SDF2L1: variants seen among roughly 807,000 people sequenced by gnomAD.
SDF2L1 encodes stromal cell-derived factor 2-like protein 1.
SDF2L1 carries 18 observed loss-of-function variants against 19.4 expected under a neutral mutation model. The ratio of observed to expected loss-of-function variants is 0.93; its 90% CI spans 0.64 to 1.38. The LOEUF is 1.38. SDF2L1 is among the 40% of genes most tolerant of loss of function. The pLI, the probability that SDF2L1 is intolerant of heterozygous loss-of-function variation, is 0.00. For synonymous variants in SDF2L1, 161 were observed against 148.9 expected, an observed-to-expected ratio of 1.08 and a Z score of -0.59; for missense variants, 263 against 319.4, an observed-to-expected ratio of 0.82 and a Z score of 1.35.
Position 21,643,006 on chromosome 22 carries a change from C to A in SDF2L1, c.332C>A (p.Thr111Lys), listed in dbSNP as rs776797722. ...GCGGTGAGGCTCACGCATGTGCTTACGGGCAAGAACCTGCACACGCACCAC... is the reference window on the plus strand; with the variant it reads ...GCGGTGAGGCTCACGCATGTGCTTAAGGGCAAGAACCTGCACACGCACCAC... Reference protein sequence around the residue: ...GQAVRLTHVLTGKNLHTHHFP... With the variant: ...GQAVRLTHVLKGKNLHTHHFP... The change falls in exon 2 of 3, where the codon ACG becomes AAG. Residue 111 changes from threonine (T) to lysine (K), a missense_variant. Thr to Lys is a moderately conservative substitution (Grantham distance 78). This residue lies in a region of SDF2L1 where 203 missense variants were observed against 256.9 expected (regional missense o/e 0.79). Transcript: ENST00000248958. The A allele has an allele frequency of 6.4e-7, 1 of 1,563,736 alleles. No homozygotes were observed. The highest frequency in any genetic ancestry group is 1.9e-5 in the Admixed American group (1 of 52,364).
chr22:21,642,755 T>TG (rs1005972003), intron 1 of SDF2L1, 107 bp from the exon 2 acceptor site: 17 of 1,288,060 alleles, frequency 1.3e-5, no homozygotes, highest in Non-Finnish European at 1.7e-5. Context: ...AGGCGGGGGC[T>TG]GGGGGTGAGC....
Position 21,644,225 on chromosome 22 carries a change from G to A in SDF2L1, c.*50G>A. On this transcript the variant is annotated 3_prime_UTR_variant, in exon 3 of 3. Transcript: ENST00000248958. Reference sequence around the variant, plus strand: ...AGGGTGGCAGGTGGGGCGTCTGCAGGGCCACTCTTGGCAGAGACTTTGGGT... The same window carrying A: ...AGGGTGGCAGGTGGGGCGTCTGCAGAGCCACTCTTGGCAGAGACTTTGGGT... The A allele has an allele frequency of 1.3e-6, 2 of 1,593,830 alleles. No homozygotes were observed. The highest frequency in any genetic ancestry group is 1.7e-6 in the Non-Finnish European group (2 of 1,165,774).
chr22:21,642,721 G>A, intron 1 of SDF2L1, 141 bp from the exon 2 acceptor site: 2 of 1,195,274 alleles, frequency 1.7e-6, no homozygotes, highest in Non-Finnish European at 2.3e-6. Flanking sequence ...GGGGAACTGC[G>A]GGCCCAAAGA....
Position 21,642,411 on chromosome 22 carries a change from C to T in SDF2L1, c.75C>T (p.Gly25=). ...TGCTGCTGGCGCTGTTAGTGCCGGG[C>T]GGTGGTGCCGCCAAGACCGGTGCGG... is the stretch of plus-strand genomic sequence containing the variant. ...LGLLLALLVP[G]GGAAKTGAEL... Residue 25 remains glycine (G), a synonymous_variant, in exon 1 of 3, where the codon GGC becomes GGT. Transcript: ENST00000248958. The T allele has an allele frequency of 4.1e-6, 6 of 1,455,484 alleles. No homozygotes were observed. The highest frequency in any genetic ancestry group is 1.5e-5 in the African/African-American group (1 of 66,136). The allele number at this position is 1,455,484 out of a possible 1,614,324, so 90.2% of individuals were successfully genotyped here. A position where few individuals can be genotyped will look rare whatever the true frequency, so the allele number is the denominator to read the frequency against.
chr22:21,643,081 A>G (rs976608613), intron 2 of SDF2L1, 23 bp downstream of exon 2: 4 of 1,549,868 alleles, frequency 2.6e-6, no homozygotes, highest in Admixed American at 2.0e-5. Flanking sequence ...CGGAGCCCCC[A>G]GAGAGACTCC....
intron 2 of SDF2L1, chr22:21,643,261 C>T: frequency 1.6e-6 from 1 of 638,980 alleles, no homozygotes; most frequent in Non-Finnish European, 2.7e-6. Flanking sequence ...GCAGGGAGAA[C>T]GACGGGAGAG....
At chr22:21,643,756 G>A in intron 2 of SDF2L1, 138 bp from the exon 3 acceptor site, 2 of 784,320 alleles carry the variant, frequency 2.5e-6, no homozygotes, top group Non-Finnish European at 4.0e-6. Flanking sequence ...GGTTGCGGGG[G>A]CGGGTCATGG....
At chr22:21,642,575 G>A (rs780733304) in intron 1 of SDF2L1, 52 bp downstream of exon 1, 2 of 1,500,404 alleles carry the variant, frequency 1.3e-6, no homozygotes, top group Non-Finnish European at 1.8e-6. Flanking sequence ...CTCGGGGTTG[G>A]GAGTGTGGAG....
intron 1 of SDF2L1, 28 bp from the exon 2 acceptor site, chr22:21,642,834 C>T (rs769263118): frequency 3.2e-6 from 5 of 1,575,350 alleles, no homozygotes; most frequent in Non-Finnish European, 4.3e-6. Context: ...TGACGGAGAC[C>T]CTGGGTGTGT....
At position 21,643,012 on chromosome 22, in the gene SDF2L1, A is replaced by G. The variant is rs2066093040; in HGVS notation, c.338A>G (p.Lys113Arg). The G allele has an allele frequency of 1.9e-6, 3 of 1,562,974 alleles. No homozygotes were observed. Among genetic ancestry groups the G allele is most frequent in the Non-Finnish European group, 1.7e-6 (2 of 1,154,666 alleles). ...AVRLTHVLTG[K>R]NLHTHHFPSP... is the part of the protein sequence containing the mutation. ...AGGCTCACGCATGTGCTTACGGGCAAGAACCTGCACACGCACCACTTCCCG... is the reference window on the plus strand; with the variant it reads ...AGGCTCACGCATGTGCTTACGGGCAGGAACCTGCACACGCACCACTTCCCG... The change falls in exon 2 of 3, where the codon AAG becomes AGG. Residue 113 changes from lysine (K) to arginine (R), a missense_variant. Physicochemically the swap from Lys to Arg is conservative, Grantham distance 26 (BLOSUM62 2). Transcript: ENST00000248958.
chr22:21,644,187 G>C lies in SDF2L1; in HGVS notation c.*12G>C. ...ACGATGAACTCTGAGTGTGTGGATG[G>C]ATGGGTGGATGGAGGGTGGCAGGTG... On this transcript the variant is annotated 3_prime_UTR_variant, in exon 3 of 3. Transcript: ENST00000248958. 1 of 1,609,118 alleles carries C rather than the reference G, an allele frequency of 6.2e-7. No homozygotes were observed.
In SDF2L1 at chr22:21,643,148, C is replaced by T. The variant is rs1163444976; in HGVS notation, c.384+90C>T. 8 of 1,434,598 alleles carry T rather than the reference C, an allele frequency of 5.6e-6. No homozygotes were observed. In the East Asian group the frequency reaches 1.5e-4, roughly 27 times the overall value. The allele number at this position is 1,434,598 out of a possible 1,614,324, so 88.9% of individuals were successfully genotyped here. ...TGGGTTCCAATCCGAGCCTCAGCTT[C>T]TTCGTGAAATGGAAATTTCACTTCA... On this transcript the variant is annotated intron_variant, in intron 2 of 2. Transcript: ENST00000248958.
intron 1 of SDF2L1, 125 bp downstream of exon 1, chr22:21,642,648 T>A: frequency 1.6e-6 from 2 of 1,273,546 alleles, no homozygotes; most frequent in East Asian, 2.6e-5. Context: ...TCTAGAGTCG[T>A]TGGGAGGTCG....
intron 1 of SDF2L1, 27 bp from the exon 2 acceptor site, chr22:21,642,835 C>G (rs774896301): frequency 5.1e-6 from 8 of 1,576,464 alleles, no homozygotes; most frequent in South Asian, 2.3e-5. Flanking sequence ...GACGGAGACC[C>G]TGGGTGTGTG....
In SDF2L1 at chr22:21,642,896, G is replaced by T; in HGVS notation, c.222G>T (p.Ala74=). 1.3e-6 allele frequency: 2 copies of T among 1,596,054 alleles called. No homozygotes were observed. The highest frequency in any genetic ancestry group is 1.1e-5 in the South Asian group (1 of 88,922). Reference sequence around the variant, plus strand: ...AGCAATCGGTGACCGGCGTAGAGGCGTCGGACGACGCCAATAGCTACTGGC... The same window carrying T: ...AGCAATCGGTGACCGGCGTAGAGGCTTCGGACGACGCCAATAGCTACTGGC... The part of the protein sequence containing the change: ...SGQQSVTGVE[A]SDDANSYWRI... Residue 74 remains alanine (A), a synonymous_variant, in exon 2 of 3, where the codon GCG becomes GCT. Transcript: ENST00000248958.
Position 21,644,163 on chromosome 22 carries a change from C to G in SDF2L1, c.654C>G (p.His218Gln), listed in dbSNP as rs374864549. The change falls in exon 3 of 3, where the codon CAC becomes CAG. Residue 218 changes from histidine (H) to glutamine (Q), a missense_variant. His to Gln is a conservative substitution (Grantham distance 24, BLOSUM62 0). Around this residue, in one of 3 missense-constraint regions of SDF2L1, gnomAD observed 203 missense variants for 256.9 expected, o/e 0.79. Coordinates refer to ENST00000248958, the MANE Select transcript of SDF2L1 (RefSeq NM_022044.3). ...CTAGTGTGGAGCCCTCTGCAGGTCA[C>G]GATGAACTCTGAGTGTGTGGATGGA... ...IKPSVEPSAG[H>Q]DEL 1 of 1,613,642 alleles carries G rather than the reference C, an allele frequency of 6.2e-7. No individual in the cohort carries two copies. The highest frequency in any genetic ancestry group is 8.5e-7 in the Non-Finnish European group (1 of 1,179,740).
In SDF2L1 at chr22:21,642,323, GC is replaced by G. The variant is rs2066084512; in HGVS notation, c.-12del. 4.5e-6 allele frequency: 6 copies of G among 1,343,348 alleles called. No individual in the cohort carries two copies. The South Asian group carries it at 1.2e-4, about 27-fold the overall frequency. 83.2% of individuals were successfully genotyped at this position (1,343,348 alleles called of 1,614,324 possible). A position where few individuals can be genotyped will look rare whatever the true frequency, so the allele number is the denominator to read the frequency against. On this transcript the variant is annotated 5_prime_UTR_variant, in exon 1 of 3. Coordinates refer to ENST00000248958, the MANE Select transcript of SDF2L1 (RefSeq NM_022044.3). ...CGGCCCCTGGGCCCGAGGGGCTGGA[GC>G]CGGGCCGGGGCGATGTGGAGCGCGG...
chr22:21,642,480 C>T lies in SDF2L1; in HGVS notation c.144C>T (p.His48=). ...CGSVLKLLNT[H]HRVRLHSHDI... ...CGGTGCTGAAGCTGCTCAATACGCA[C>T]CACCGCGTGCGGCTGCACTCGCACG... is the stretch of plus-strand genomic sequence containing the variant. Residue 48 remains histidine, a synonymous_variant, in exon 1 of 3, where the codon CAC becomes CAT. Coordinates refer to ENST00000248958, the MANE Select transcript of SDF2L1 (RefSeq NM_022044.3). The T allele has an allele frequency of 6.6e-7, 1 of 1,519,480 alleles. No individual in the cohort carries two copies. Among genetic ancestry groups the T allele is most frequent in the East Asian group, 2.6e-5 (1 of 38,860 alleles). The allele number at this position is 1,519,480 out of a possible 1,614,324, so 94.1% of individuals were successfully genotyped here.
At chr22:21,642,549 G>T (rs751328378) in intron 1 of SDF2L1, 26 bp downstream of exon 1, 6 of 1,507,580 alleles carry the variant, frequency 4.0e-6, no homozygotes, top group African/African-American at 2.9e-5. Context: ...GACTGGGAGA[G>T]CGCGGGGAAC....
Sources: gnomAD v4.1 joint callset for allele counts on GRCh38, gnomAD v4.1.1 for gene constraint, gnomAD v4.1.1 regional missense constraint, MANE v1.5 for transcripts, NCBI Gene and HGNC (gene_info 2026-07-23, HGNC 2026-07-21) for gene names.